ARHGEF7: variants seen among roughly 807,000 people sequenced by gnomAD.
The protein encoded by ARHGEF7 is PAK-interacting exchange factor beta.
In ARHGEF7, 33 loss-of-function variants were observed where a neutral mutation model predicts 109.8. The ratio of observed to expected loss-of-function variants is 0.30; its 90% CI spans 0.23 to 0.40. The LOEUF (loss-of-function observed/expected upper bound fraction) is 0.40. Among genes scored for constraint, ARHGEF7 ranks in the 10% least tolerant of loss-of-function variants. ARHGEF7 has a pLI of 1.00. For synonymous variants in ARHGEF7, 458 were observed against 424.6 expected (o/e 1.08, Z -0.97); for missense variants, 938 against 1,098.5 (o/e 0.85, Z 2.07).
chr13:111,152,734 A>G (rs1002801516), intron 1 of ARHGEF7, among the ~76,000 whole-genome samples: 4 of 152,258 alleles, frequency 2.6e-5, no homozygotes, highest in Non-Finnish European at 5.9e-5. Flanking sequence ...GTCAACGCTT[A>G]ATGTCTTCAC....
chr13:111,280,489 C>A, intron 14 of ARHGEF7, 49 bp from the exon 15 acceptor site: 1 of 1,578,548 alleles, frequency 6.3e-7, no homozygotes, highest in Non-Finnish European at 8.6e-7. Flanking sequence ...CACGCACGTG[C>A]TTTTTACCTG....
In ARHGEF7 at chr13:111,228,076, T is replaced by G. The variant is rs908999970; in HGVS notation, c.671-5129T>G. On this transcript the variant is annotated intron_variant, in intron 5 of 21. Transcript: ENST00000646102. This position sits in a 1 kb window ranked among gnomAD's most constrained non-coding sequence, Gnocchi z 4.6. ...CTTCCCAGAAGTTATGAAGCACATC[T>G]GAGGTGTCCTGCACGGCACATGAGG... Among the ~76,000 whole-genome samples, 2 of 152,170 alleles carry G rather than the reference T, an allele frequency of 1.3e-5. No individual in the cohort carries two copies. Among genetic ancestry groups the G allele is most frequent in the African/African-American group, 4.8e-5 (2 of 41,436 alleles).
chr13:111,257,419 G>A (rs2090560730), intron 8 of ARHGEF7, among the ~76,000 whole-genome samples: 1 of 152,216 alleles, frequency 6.6e-6, no homozygotes, highest in Non-Finnish European at 1.5e-5. Flanking sequence ...AATATCCAAT[G>A]TGTTTATAAG....
chr13:111,231,490 C>T (rs1302971095), intron 5 of ARHGEF7, among the ~76,000 whole-genome samples: 3 of 152,154 alleles, frequency 2.0e-5, no homozygotes, highest in Non-Finnish European at 4.4e-5. Context: ...AGAAACTTGA[C>T]AGTGAGGCAT....
chr13:111,281,945 A>G (rs980026749), intron 15 of ARHGEF7, among the ~76,000 whole-genome samples: 9 of 152,260 alleles, frequency 5.9e-5, no homozygotes, highest in Non-Finnish European at 7.3e-5. Flanking sequence ...TAATTTTAGC[A>G]TAAAGCATAC....
At chr13:111,260,042 C>G (rs532868045) in intron 8 of ARHGEF7, among the ~76,000 whole-genome samples, 3 of 152,110 alleles carry the variant, frequency 2.0e-5, no homozygotes, top group African/African-American at 7.2e-5. Context: ...AGCTTGAAGA[C>G]AGGCCATCTA....
chr13:111,247,853 C>T (rs1346435226), intron 8 of ARHGEF7, among the ~76,000 whole-genome samples: 1 of 152,186 alleles, frequency 6.6e-6, no homozygotes, highest in Non-Finnish European at 1.5e-5. Flanking sequence ...ATATTTACTC[C>T]TTGGCTTTTT....
At position 111,292,263 on chromosome 13, in the gene ARHGEF7, A is replaced by G. The variant is rs1246883686; in HGVS notation, c.2280A>G (p.Thr760=). ...SEDSDYDSIW[T]AHSYRMGSTS... Reference sequence around the variant, plus strand: ...ACTCTGACTATGACAGTATATGGACAGCCCATAGTTACAGAATGGGTTCTA... The same window carrying G: ...ACTCTGACTATGACAGTATATGGACGGCCCATAGTTACAGAATGGGTTCTA... Residue 760 remains threonine (T), a synonymous_variant, in exon 19 of 22, where the codon ACA becomes ACG. Transcript: ENST00000646102. The G allele has an allele frequency of 6.2e-7, 1 of 1,614,232 alleles. No individual in the cohort carries two copies. The highest frequency in any genetic ancestry group is 1.1e-5 in the South Asian group (1 of 91,086).
In ARHGEF7 at chr13:111,209,760, G is replaced by A. The variant is rs113984655; in HGVS notation, c.338-112G>A. The A allele has an allele frequency of 4.1e-5, 51 of 1,247,108 alleles. 1 individual carries two copies. The African/African-American group carries it at 5.9e-4, about 14-fold the overall frequency. 77.3% of individuals were successfully genotyped at this position (1,247,108 alleles called of 1,614,324 possible). ...TGCATAAATGGGCTGCTTTGTTGTGGTCTTTTGGTGTGTCCCTCTGTGCTG... is the reference window on the plus strand; with the variant it reads ...TGCATAAATGGGCTGCTTTGTTGTGATCTTTTGGTGTGTCCCTCTGTGCTG... On this transcript the variant is annotated intron_variant, in intron 3 of 21. Transcript: ENST00000646102.
At chr13:111,295,267 C>A in intron 19 of ARHGEF7, 1 of 917,476 alleles carries the variant, frequency 1.1e-6, no homozygotes, top group Non-Finnish European at 1.3e-6. Context: ...TTTGGCTCTT[C>A]TACCTGAACG....
intron 4 of ARHGEF7, among the ~76,000 whole-genome samples, chr13:111,215,611 A>G (rs2153484993): frequency 6.6e-6 from 1 of 152,090 alleles, no homozygotes. Flanking sequence ...CCTTTCTAAT[A>G]TTTTGTTTTC....
chr13:111,285,674 C>A (rs1595532800), intron 16 of ARHGEF7, among the ~76,000 whole-genome samples: 1 of 152,310 alleles, frequency 6.6e-6, no homozygotes. Context: ...CCTGAAACTT[C>A]AAATATTTTC....
intron 2 of ARHGEF7, among the ~76,000 whole-genome samples, chr13:111,169,659 T>G (rs1409710678): frequency 6.6e-6 from 1 of 152,234 alleles, no homozygotes; most frequent in Non-Finnish European, 1.5e-5. Flanking sequence ...ACCAGGACCT[T>G]GCTTGTGAGA....
intron 1 of ARHGEF7, among the ~76,000 whole-genome samples, chr13:111,125,683 C>G (rs1423802027): frequency 6.6e-6 from 1 of 152,188 alleles, no homozygotes; most frequent in East Asian, 1.9e-4. Flanking sequence ...TTCTGAGTGT[C>G]TCACTACTAA....
intron 2 of ARHGEF7, among the ~76,000 whole-genome samples, chr13:111,170,726 G>A (rs1039596249): frequency 1.1e-4 from 16 of 152,228 alleles, no homozygotes; most frequent in Non-Finnish European, 2.1e-4. Context: ...CGCTCTGGGA[G>A]GACTTGGGAG....
chr13:111,298,582 A>AT (rs2153633881), intron 19 of ARHGEF7, among the ~76,000 whole-genome samples: 1 of 152,320 alleles, frequency 6.6e-6, no homozygotes, highest in South Asian at 2.1e-4. Context: ...ACCTGTAGAG[A>AT]TTCCTAGGGC....
intron 16 of ARHGEF7, among the ~76,000 whole-genome samples, chr13:111,285,823 C>T (rs1005182468): frequency 6.6e-6 from 1 of 152,108 alleles, no homozygotes; most frequent in African/African-American, 2.4e-5. Flanking sequence ...CAGGAGCGTG[C>T]AGGATGTCTG....
Position 111,205,146 on chromosome 13 carries a change from G to A in ARHGEF7, c.253-143G>A. 4 of 593,684 alleles carry A rather than the reference G, an allele frequency of 6.7e-6. No homozygotes were observed. In the Admixed American group the frequency reaches 1.5e-4, roughly 22 times the overall value. The allele number at this position is 593,684 out of a possible 1,614,324, so 36.8% of individuals were successfully genotyped here. A position where few individuals can be genotyped will look rare whatever the true frequency, so the allele number is the denominator to read the frequency against. On this transcript the variant is annotated intron_variant, in intron 2 of 21. Coordinates refer to ENST00000646102, the MANE Select transcript of ARHGEF7 (RefSeq NM_001354046.2). ...GTTCTTACCTCAGGACTGAGAGACT[G>A]AGCGTGCTGGTCTCCCTGTCGCAGG...
chr13:111,176,699 A>G (rs2078199029), intron 2 of ARHGEF7, among the ~76,000 whole-genome samples: 1 of 152,076 alleles, frequency 6.6e-6, no homozygotes, highest in African/African-American at 2.4e-5. Flanking sequence ...TGAGCTTTCC[A>G]TTTCAGGCGT....
Sources: gnomAD v4.1 joint callset for allele counts (sites outside exome capture counted in the v4.1 genomes callset) on GRCh38, gnomAD v4.1.1 for gene constraint, Gnocchi (gnomAD v3.1) non-coding constraint, MANE v1.5 for transcripts, NCBI Gene and HGNC (gene_info 2026-07-23, HGNC 2026-07-21) for gene names.